CWF19L1: variants seen among roughly 807,000 people sequenced by gnomAD.
CWF19L1 encodes CWF19 like cell cycle control factor 1, also known as CWF19-like protein 1.
Under a neutral mutation model 69.7 loss-of-function variants are expected in CWF19L1, and 60 were observed. The observed-to-expected ratio is 0.86, with a 90% CI of 0.70 to 1.07. The LOEUF is 1.07. Among genes scored for constraint, CWF19L1 ranks in the 50% least tolerant of loss-of-function variants. The pLI, the probability that CWF19L1 is intolerant of heterozygous loss-of-function variation, is 0.00. For synonymous variants in CWF19L1, 209 were observed against 222.2 expected, an observed-to-expected ratio of 0.94 and a Z score of 0.53; for missense variants, 591 against 638.9, an observed-to-expected ratio of 0.92 and a Z score of 0.81.
At chr10:100,256,596 A>T in intron 4 of CWF19L1, 120 bp from the exon 5 acceptor site, 1 of 742,178 alleles carries the variant, frequency 1.3e-6, no homozygotes, top group Non-Finnish European at 2.3e-6. Flanking sequence ...TCTGAAGTGT[A>T]AACTCTCCAG....
rs190282106 is a variant in CWF19L1 at position 100,251,060 on chromosome 10, G to A, written c.624-728C>T. Among the ~76,000 whole-genome samples the A allele has an allele frequency of 3.3e-4, 50 of 151,630 alleles. 1 individual carries two copies. The highest frequency in any genetic ancestry group is 3.9e-4 in the Admixed American group (6 of 15,236). On this transcript the variant is annotated intron_variant, in intron 6 of 13. Coordinates refer to ENST00000354105, the MANE Select transcript of CWF19L1 (RefSeq NM_018294.6). Reference sequence around the variant, plus strand: ...TTGTAGCACATGTCAGTACTTCATTGCTTTTCCTTGCCAAATAACATTTCA... The same window carrying A: ...TTGTAGCACATGTCAGTACTTCATTACTTTTCCTTGCCAAATAACATTTCA...
At chr10:100,246,673 C>T in intron 8 of CWF19L1, 122 bp downstream of exon 8, 1 of 1,018,482 alleles carries the variant, frequency 9.8e-7, no homozygotes, top group Non-Finnish European at 1.4e-6. Context: ...TTCTAAACAT[C>T]ATCATGATTT....
Position 100,249,465 on chromosome 10 carries a change from C to G in CWF19L1, c.708+783G>C, listed in dbSNP as rs187707754. 3.0e-4 allele frequency among the ~76,000 whole-genome samples: 42 copies of G among 138,484 alleles called. No individual in the cohort carries two copies. The East Asian group carries it at 8.2e-3, about 27-fold the overall frequency. 90.9% of individuals were successfully genotyped at this position (138,484 alleles called of 152,430 possible). A position where few individuals can be genotyped will look rare whatever the true frequency, so the allele number is the denominator to read the frequency against. ...GAAGTGAGAAAAACAACCTATTTTT[C>G]TGGTATATTCTTTTCATCAACTGCA... On this transcript the variant is annotated intron_variant, in intron 7 of 13. Coordinates refer to ENST00000354105, the MANE Select transcript of CWF19L1 (RefSeq NM_018294.6).
At chr10:100,258,095 G>A (rs986870710) in intron 4 of CWF19L1, among the ~76,000 whole-genome samples, 7 of 152,016 alleles carry the variant, frequency 4.6e-5, no homozygotes, top group Non-Finnish European at 5.9e-5. Flanking sequence ...AAAATTAGCC[G>A]GGCATGGTGG....
chr10:100,248,635 C>G, intron 7 of CWF19L1: 1 of 771,676 alleles, frequency 1.3e-6, no homozygotes, highest in Non-Finnish European at 2.3e-6. Flanking sequence ...TACTGAGATC[C>G]TCAAGTCAGT....
chr10:100,256,295 C>T lies in CWF19L1; in HGVS notation c.471G>A (p.Trp157Ter). The change falls in exon 5 of 14, where the codon TGG becomes TGA. Residue 157 changes from tryptophan (W) to a stop codon, truncating the protein, a stop_gained. Coordinates refer to ENST00000354105, the MANE Select transcript of CWF19L1 (RefSeq NM_018294.6). LOFTEE classifies it high-confidence loss of function. The stretch of plus-strand genomic sequence containing the variant: ...TCCCAAAGTTCCCCACACACTTGGG[C>T]CATGGGGATGTGAGCAAGATATCAA... ...KGVDILLTSP[W>*]PKCVGNFGNS... 3 of 1,614,096 alleles carry T rather than the reference C, an allele frequency of 1.9e-6. No homozygotes were observed. The highest frequency in any genetic ancestry group is 1.7e-6 in the Non-Finnish European group (2 of 1,179,950).
At chr10:100,265,754 C>A (rs1437325182) in intron 1 of CWF19L1, among the ~76,000 whole-genome samples, 2 of 152,152 alleles carry the variant, frequency 1.3e-5, no homozygotes, top group African/African-American at 4.8e-5. Flanking sequence ...CTTCTGACCT[C>A]AGGTGATCCA....
chr10:100,240,976 A>G (rs892805238), intron 10 of CWF19L1, among the ~76,000 whole-genome samples: 2 of 145,398 alleles, frequency 1.4e-5, no homozygotes, highest in African/African-American at 5.2e-5. Flanking sequence ...CCCCCTAGAG[A>G]CAGGAGTGTG....
intron 10 of CWF19L1, among the ~76,000 whole-genome samples, chr10:100,240,826 A>G (rs1191046551): frequency 6.6e-6 from 1 of 152,018 alleles, no homozygotes; most frequent in Non-Finnish European, 1.5e-5. Flanking sequence ...CCAAAGACGA[A>G]AAAAGATGCA....
intron 2 of CWF19L1, among the ~76,000 whole-genome samples, chr10:100,261,366 C>T (rs1235678934): frequency 6.6e-6 from 1 of 152,236 alleles, no homozygotes. Context: ...GCTCTCTCCA[C>T]ATATCCTTCC....
chr10:100,234,083 ATATTTT>A (rs1279136093), intron 13 of CWF19L1: 1 of 152,182 alleles, frequency 6.6e-6, no homozygotes, highest in Non-Finnish European at 1.5e-5. Flanking sequence ...CCATTGCTTT[ATATTTT>A]TATTTTTACT....
intron 12 of CWF19L1, among the ~76,000 whole-genome samples, chr10:100,236,604 G>C (rs1252971932): frequency 3.3e-5 from 5 of 152,024 alleles, no homozygotes; most frequent in Non-Finnish European, 1.5e-5. Context: ...ACCCCGTCTC[G>C]ACTAAAAATA....
At chr10:100,235,589 T>G in intron 13 of CWF19L1, 78 bp downstream of exon 13, 1 of 1,005,544 alleles carries the variant, frequency 9.9e-7, no homozygotes, top group Non-Finnish European at 1.5e-6. Flanking sequence ...TTTAGCTTTT[T>G]ATCAATTGTC....
At chr10:100,261,174 C>A in intron 2 of CWF19L1, 130 bp from the exon 3 acceptor site, 1 of 617,980 alleles carries the variant, frequency 1.6e-6, no homozygotes, top group South Asian at 2.4e-5. Flanking sequence ...TTGCAGATTT[C>A]AATATACAAT....
chr10:100,243,694 TCA>T lies in CWF19L1; in HGVS notation c.1044+2_1044+3del. 6.2e-7 allele frequency: 1 copy of T among 1,613,582 alleles called. No individual in the cohort carries two copies. On this transcript the variant is annotated splice_donor_variant and splice_donor_region_variant and intron_variant, in intron 10 of 13. Transcript: ENST00000354105. LOFTEE classifies it high-confidence loss of function. Reference sequence around the variant, plus strand: ...TCTCTATAAAGTCCAAGGAAGTAACTCACATGTGTGCCGATGTTGACCACCAA... The same window carrying T: ...TCTCTATAAAGTCCAAGGAAGTAACTCATGTGTGCCGATGTTGACCACCAA...
At chr10:100,246,142 C>T (rs559801678) in intron 8 of CWF19L1, 11 of 446,722 alleles carry the variant, frequency 2.5e-5, no homozygotes, top group African/African-American at 1.2e-4. Context: ...TTTGGAAAAA[C>T]GAGTTAAAAT....
chr10:100,250,234 A>G lies in CWF19L1; in HGVS notation c.708+14T>C. The G allele has an allele frequency of 1.3e-6, 2 of 1,547,446 alleles. No individual in the cohort carries two copies. Among genetic ancestry groups the G allele is most frequent in the Non-Finnish European group, 1.8e-6 (2 of 1,120,090 alleles). ...CATGAATATCAACCTTCCACCAAAT[A>G]GGTAAATCTTTACCTTTTTCTTTTC... is the stretch of plus-strand genomic sequence containing the variant. On this transcript the variant is annotated intron_variant, in intron 7 of 13. Transcript: ENST00000354105.
At chr10:100,259,481 T>C (rs1847322344) in intron 4 of CWF19L1, among the ~76,000 whole-genome samples, 1 of 152,164 alleles carries the variant, frequency 6.6e-6, no homozygotes, top group South Asian at 2.1e-4. Flanking sequence ...CCTAGAGCTA[T>C]AAATAGTTGG....
At chr10:100,243,556 G>A (rs1298883684) in intron 10 of CWF19L1, 142 bp downstream of exon 10, 1 of 724,272 alleles carries the variant, frequency 1.4e-6, no homozygotes. Flanking sequence ...ACGTGATGGT[G>A]GCATAACTCA....
Sources: allele counts gnomAD v4.1 joint callset (sites outside exome capture counted in the v4.1 genomes callset), GRCh38; gene constraint gnomAD v4.1.1; transcripts MANE v1.5; gene names NCBI Gene and HGNC (gene_info 2026-07-23, HGNC 2026-07-21).